The following BICD1 variants were observed in gnomAD, a reference collection of about 807,000 sequenced individuals.
BICD1 encodes the protein BICD cargo adaptor 1.
In BICD1, 35 loss-of-function variants were observed where a neutral mutation model predicts 92.5. That is an observed-to-expected ratio of 0.38 (90% CI 0.29 to 0.50). The LOEUF (loss-of-function observed/expected upper bound fraction) is 0.50, where lower values mean the gene tolerates loss of function less well. BICD1 is among the 20% of genes least tolerant of loss of function. The pLI is 0.93. For synonymous variants in BICD1, 429 were observed against 465.1 expected (o/e 0.92, Z 1.00); for missense variants, 950 against 1,189.8 (o/e 0.80, Z 2.97).
At chr12:32,325,926 C>CA (rs1948766107) in intron 4 of BICD1, among the ~76,000 whole-genome samples, 2 of 151,260 alleles carry the variant, frequency 1.3e-5, no homozygotes, top group South Asian at 4.2e-4. Context: ...ACTAAAAATA[C>CA]AAAAAAATTA....
At chr12:32,364,678 C>T (rs1476728274) in intron 8 of BICD1, among the ~76,000 whole-genome samples, 1 of 152,200 alleles carries the variant, frequency 6.6e-6, no homozygotes, top group East Asian at 1.9e-4. Context: ...TGGCTAGGAG[C>T]AGTGGCTCAC....
chr12:32,281,551 C>A (rs781227504), intron 2 of BICD1, among the ~76,000 whole-genome samples: 1 of 152,018 alleles, frequency 6.6e-6, no homozygotes, highest in Non-Finnish European at 1.5e-5. Flanking sequence ...CATGTGTATA[C>A]CTTACAGTGG....
intron 4 of BICD1, among the ~76,000 whole-genome samples, chr12:32,315,361 T>C (rs1364952134): frequency 6.6e-6 from 1 of 152,194 alleles, no homozygotes; most frequent in Non-Finnish European, 1.5e-5. Context: ...AGTATCTTGA[T>C]TATAGTTTTT....
intron 1 of BICD1, chr12:32,107,745 G>A: frequency 2.7e-6 from 2 of 744,242 alleles, no homozygotes; most frequent in Non-Finnish European, 4.7e-6. Flanking sequence ...GAATATATAA[G>A]CTGGAATTTG....
At chr12:32,231,296 A>G (rs992677922) in intron 2 of BICD1, among the ~76,000 whole-genome samples, 12 of 152,154 alleles carry the variant, frequency 7.9e-5, no homozygotes, top group African/African-American at 2.9e-4. Context: ...CATCCTGGGC[A>G]ACATGGCGAA....
intron 3 of BICD1, among the ~76,000 whole-genome samples, chr12:32,296,253 TTTG>T (rs1163299089): frequency 0.11 from 4,830 of 45,912 alleles, 248 homozygotes; most frequent in East Asian, 0.3. Context: ...GGGGTTTTTT[TTTG>T]TTTTTTTTTT....
chr12:32,216,907 G>T (rs553977009), intron 2 of BICD1, among the ~76,000 whole-genome samples: 41 of 152,334 alleles, frequency 2.7e-4, no homozygotes, highest in African/African-American at 8.4e-4. Context: ...AGAAGTCTTT[G>T]AGTCTGGTGA....
intron 2 of BICD1, among the ~76,000 whole-genome samples, chr12:32,237,121 C>A (rs1417306818): frequency 6.6e-6 from 1 of 152,098 alleles, no homozygotes; most frequent in Non-Finnish European, 1.5e-5. Context: ...ACCTTGTGAT[C>A]TGCCCGCCTC....
intron 4 of BICD1, among the ~76,000 whole-genome samples, chr12:32,318,653 G>A (rs1948570423): frequency 6.6e-6 from 1 of 152,148 alleles, no homozygotes; most frequent in East Asian, 1.9e-4. Context: ...TCGGGAGTTT[G>A]AGACCAGCCT....
chr12:32,299,425 A>C (rs1360038856), intron 3 of BICD1, among the ~76,000 whole-genome samples: 1 of 152,204 alleles, frequency 6.6e-6, no homozygotes, highest in Non-Finnish European at 1.5e-5. Context: ...AGTTAGGATG[A>C]GATTCTTAAC....
chr12:32,152,788 AT>A (rs1406532944), intron 1 of BICD1, among the ~76,000 whole-genome samples: 6 of 152,220 alleles, frequency 3.9e-5, no homozygotes, highest in Admixed American at 2.0e-4. Flanking sequence ...TCTACTTAAT[AT>A]GATAATAATA....
At chr12:32,329,588 A>C (rs1041873600) in intron 5 of BICD1, among the ~76,000 whole-genome samples, 1 of 152,232 alleles carries the variant, frequency 6.6e-6, no homozygotes, top group African/African-American at 2.4e-5. Context: ...CAAGGAAATA[A>C]TAGAGAGTGT....
chr12:32,191,583 T>G (rs904656899), intron 1 of BICD1, among the ~76,000 whole-genome samples: 1 of 144,628 alleles, frequency 6.9e-6, no homozygotes, highest in Admixed American at 7.0e-5. Context: ...TATAATATTA[T>G]GTATATATAA....
intron 2 of BICD1, among the ~76,000 whole-genome samples, chr12:32,272,108 TA>T (rs1290099244): frequency 3.3e-5 from 5 of 152,252 alleles, no homozygotes; most frequent in Non-Finnish European, 7.3e-5. Context: ...TATATATTGT[TA>T]AATCATAATG....
At chr12:32,196,170 G>A (rs906884156) in intron 1 of BICD1, among the ~76,000 whole-genome samples, 4 of 152,134 alleles carry the variant, frequency 2.6e-5, no homozygotes, top group African/African-American at 9.7e-5. Flanking sequence ...GTGGAGAAAA[G>A]AGAATTTTTG....
rs1565709060 is a variant in BICD1, at chr12:32,379,997, A to G, written c.*2370A>G. ...CAATACAAAGTGTATTATTACGTCT[A>G]TTATAAACTAGTTTCATTTCAGTTA... On this transcript the variant is annotated 3_prime_UTR_variant, in exon 10 of 10. Transcript: ENST00000652176. The G allele has an allele frequency of 6.6e-6, 1 of 152,246 alleles. No homozygotes were observed. Among genetic ancestry groups the G allele is most frequent in the Non-Finnish European group, 1.5e-5 (1 of 68,044 alleles). The allele number at this position is 152,246 out of a possible 1,614,324, so 9.4% of individuals were successfully genotyped here.
At chr12:32,358,003 C>G (rs1024722261) in intron 8 of BICD1, among the ~76,000 whole-genome samples, 12 of 152,174 alleles carry the variant, frequency 7.9e-5, no homozygotes, top group African/African-American at 2.9e-4. Flanking sequence ...CACTCTGCCA[C>G]TCTCTCCATG....
At chr12:32,214,789 G>A (rs1441141650) in intron 1 of BICD1, among the ~76,000 whole-genome samples, 1 of 152,090 alleles carries the variant, frequency 6.6e-6, no homozygotes, top group African/African-American at 2.4e-5. Context: ...CTTTCATGGT[G>A]GCTGTTGTTT....
chr12:32,161,893 A>G (rs1274742683), intron 1 of BICD1, among the ~76,000 whole-genome samples: 1 of 152,150 alleles, frequency 6.6e-6, no homozygotes, highest in Non-Finnish European at 1.5e-5. Flanking sequence ...CAATTTTCTC[A>G]TATTGGGAAG....
Sources: gnomAD v4.1 joint callset for allele counts (sites outside exome capture counted in the v4.1 genomes callset) on GRCh38, gnomAD v4.1.1 for gene constraint, MANE v1.5 for transcripts, NCBI Gene and HGNC (gene_info 2026-07-23, HGNC 2026-07-21) for gene names.